PSME4: variants seen among roughly 807,000 people sequenced by gnomAD.
PSME4 encodes the protein proteasome activator subunit 4.
In PSME4, 89 loss-of-function variants were observed where a neutral mutation model predicts 253.9. The ratio of observed to expected loss-of-function variants is 0.35; its 90% confidence interval spans 0.30 to 0.42. The LOEUF (loss-of-function observed/expected upper bound fraction) is 0.42. PSME4 is among the 10% of genes least tolerant of loss of function. The pLI is 1.00. For synonymous variants in PSME4, 851 were observed against 759.2 expected, an observed-to-expected ratio of 1.12 and a Z score of -1.99; for missense variants, 2,014 against 2,195.2, an observed-to-expected ratio of 0.92 and a Z score of 1.65.
intron 20 of PSME4, among the ~76,000 whole-genome samples, chr2:53,912,412 T>C (rs981201789): frequency 6.6e-6 from 1 of 152,190 alleles, no homozygotes; most frequent in African/African-American, 2.4e-5. Flanking sequence ...ACAAATTAAC[T>C]GGATTAACAT....
At position 53,904,103 on chromosome 2, in the gene PSME4, G is replaced by A. The variant is rs1436880699; in HGVS notation, c.2997C>T (p.Phe999=). The A allele has an allele frequency of 1.9e-6, 3 of 1,613,516 alleles. No homozygotes were observed. Among genetic ancestry groups the A allele is most frequent in the Non-Finnish European group, 2.5e-6 (3 of 1,179,658 alleles). The change falls in exon 27 of 47, where the codon TTC becomes TTT. Residue 999 remains phenylalanine (F), a synonymous_variant. Transcript: ENST00000404125. ...TFFAALGAYN[F]CCRDIIPLVL... ...CCAAGGGAATGATATCTCTGCAACA[G>A]AAGTTATATGCTCCCAAGGCAGCAA...
intron 14 of PSME4, among the ~76,000 whole-genome samples, chr2:53,924,410 A>G (rs1025802981): frequency 6.6e-6 from 1 of 152,214 alleles, no homozygotes; most frequent in African/African-American, 2.4e-5. Context: ...GTAGTCTTAA[A>G]GGCTACAGAT....
chr2:53,875,485 G>A (rs1679076478), intron 42 of PSME4, 142 bp downstream of exon 42: 1 of 755,826 alleles, frequency 1.3e-6, no homozygotes, highest in East Asian at 3.3e-5. Flanking sequence ...CTGTTTCTTT[G>A]GTCAATATAT....
At chr2:53,903,916 A>C (rs1320999479) in intron 27 of PSME4, 109 bp downstream of exon 27, 5 of 902,354 alleles carry the variant, frequency 5.5e-6, no homozygotes, top group Non-Finnish European at 8.3e-6. Context: ...CAAAATCTTA[A>C]ATACAGAATC....
At position 53,949,349 on chromosome 2, in the gene PSME4, C is replaced by T. The variant is rs571309741; in HGVS notation, c.243-66G>A. The T allele has an allele frequency of 1.3e-5, 14 of 1,072,996 alleles. No individual in the cohort carries two copies. The East Asian group carries it at 3.6e-4, about 28-fold the overall frequency. 66.5% of individuals were successfully genotyped at this position (1,072,996 alleles called of 1,614,324 possible). On this transcript the variant is annotated intron_variant, in intron 1 of 46. Transcript: ENST00000404125. ...GATGACACATCCATGTTCAATGCAG[C>T]ATTATCCATAGAAGCCAAGATGTAG...
At chr2:53,875,813 G>C in intron 41 of PSME4, 58 bp from the exon 42 acceptor site, 1 of 1,502,864 alleles carries the variant, frequency 6.7e-7, no homozygotes, top group Non-Finnish European at 9.1e-7. Flanking sequence ...AAGTACAAAG[G>C]CATCCTACAT....
At chr2:53,936,280 ATAGT>A in intron 6 of PSME4, 119 bp from the exon 7 acceptor site, 3 of 1,394,486 alleles carry the variant, frequency 2.2e-6, no homozygotes, top group Non-Finnish European at 2.8e-6. Flanking sequence ...ACTTAAATAG[ATAGT>A]TTATGACTTT....
chr2:53,942,212 G>A (rs1177320660), intron 3 of PSME4: 2 of 152,598 alleles, frequency 1.3e-5, no homozygotes, highest in East Asian at 3.9e-4. Context: ...TCAAGATGAA[G>A]GGAACAATGT....
intron 20 of PSME4, among the ~76,000 whole-genome samples, chr2:53,911,253 A>T (rs982212977): frequency 3.3e-5 from 5 of 152,222 alleles, no homozygotes; most frequent in African/African-American, 1.2e-4. Context: ...CATAGAGTAT[A>T]AACAAAGAAT....
chr2:53,968,280 A>G (rs1670844023), intron 1 of PSME4, among the ~76,000 whole-genome samples: 1 of 152,024 alleles, frequency 6.6e-6, no homozygotes, highest in African/African-American at 2.4e-5. Flanking sequence ...ACCTCAAAAA[A>G]AAAAAAAAAA....
rs1382726946 is a variant in PSME4 at position 53,893,663 on chromosome 2, A to G, written c.4038+11T>C. 8.7e-6 allele frequency: 14 copies of G among 1,607,282 alleles called. No homozygotes were observed. The highest frequency in any genetic ancestry group is 1.1e-5 in the Non-Finnish European group (13 of 1,176,448). ...AGCATTACAAAGAGGATATGTAAAC[A>G]ATATAGTTACCTTAAAGAGGCAAAA... is the stretch of plus-strand genomic sequence containing the variant. On this transcript the variant is annotated intron_variant, in intron 35 of 46. Coordinates refer to ENST00000404125, the MANE Select transcript of PSME4 (RefSeq NM_014614.3).
chr2:53,962,878 G>T (rs961092476), intron 1 of PSME4, among the ~76,000 whole-genome samples: 2 of 152,032 alleles, frequency 1.3e-5, no homozygotes, highest in African/African-American at 2.4e-5. Flanking sequence ...AGGCATGGTG[G>T]CTGCACCTGT....
intron 31 of PSME4, 139 bp from the exon 32 acceptor site, chr2:53,897,024 G>A (rs1680169767): frequency 4.6e-6 from 3 of 658,904 alleles, no homozygotes; most frequent in African/African-American, 1.8e-5. Flanking sequence ...GTACATCCAT[G>A]TGAGTGCTAA....
At chr2:53,887,176 A>G in intron 40 of PSME4, 83 bp downstream of exon 40, 4 of 1,255,066 alleles carry the variant, frequency 3.2e-6, no homozygotes, top group Non-Finnish European at 4.6e-6. Context: ...ATTTTACCAC[A>G]ATAAAAAAAG....
chr2:53,962,621 T>A (rs1670540844), intron 1 of PSME4, among the ~76,000 whole-genome samples: 1 of 152,354 alleles, frequency 6.6e-6, no homozygotes, highest in African/African-American at 2.4e-5. Flanking sequence ...TGAGATTTTC[T>A]TTTCAAATAA....
Position 53,893,656 on chromosome 2 carries a change from T to A in PSME4, c.4038+18A>T, listed in dbSNP as rs756128988. 4 of 1,605,402 alleles carry A rather than the reference T, an allele frequency of 2.5e-6. No individual in the cohort carries two copies. The highest frequency in any genetic ancestry group is 1.7e-4 in the Middle Eastern group (1 of 5,994). On this transcript the variant is annotated intron_variant, in intron 35 of 46. Transcript: ENST00000404125. ...GTTACTAAGCATTACAAAGAGGATATGTAAACAATATAGTTACCTTAAAGA... is the reference window on the plus strand; with the variant it reads ...GTTACTAAGCATTACAAAGAGGATAAGTAAACAATATAGTTACCTTAAAGA...
At chr2:53,884,497 C>G (rs149643215) in intron 41 of PSME4, among the ~76,000 whole-genome samples, 18 of 152,290 alleles carry the variant, frequency 1.2e-4, no homozygotes, top group African/African-American at 3.9e-4. Flanking sequence ...GTGTGAACCA[C>G]CACACCGGGC....
chr2:53,952,719 G>C (rs970771004), intron 1 of PSME4, among the ~76,000 whole-genome samples: 1 of 152,182 alleles, frequency 6.6e-6, no homozygotes, highest in Non-Finnish European at 1.5e-5. Flanking sequence ...TCCCTTGCAC[G>C]GGCAGTTCAC....
chr2:53,866,007 C>G, intron 46 of PSME4, 78 bp downstream of exon 46: 1 of 1,379,640 alleles, frequency 7.2e-7, no homozygotes, highest in Non-Finnish European at 9.8e-7. Flanking sequence ...CTAAGAATGT[C>G]AGCAAAAAGA....
Sources: gnomAD v4.1 joint callset for allele counts (sites outside exome capture counted in the v4.1 genomes callset) on GRCh38, gnomAD v4.1.1 for gene constraint, MANE v1.5 for transcripts, NCBI Gene and HGNC (gene_info 2026-07-23, HGNC 2026-07-21) for gene names.